LIMCH1: variants seen among roughly 807,000 people sequenced by gnomAD.
LIMCH1 encodes the protein LIM and calponin homology domains-containing protein 1.
A neutral mutation model predicts 176.5 loss-of-function variants in LIMCH1; 113 were observed. The ratio of observed to expected loss-of-function variants is 0.64; its 90% CI spans 0.55 to 0.75. The LOEUF is 0.75. Among genes scored for constraint, LIMCH1 ranks in the 30% least tolerant of loss-of-function variants. The pLI, the probability that LIMCH1 is intolerant of heterozygous loss-of-function variation, is 0.00. For missense variants in LIMCH1, 1,674 were observed against 1,814.9 expected (o/e 0.92, Z 1.41); for synonymous variants, 619 against 645.9 (o/e 0.96, Z 0.63).
chr4:41,521,808 A>G (rs1050077411), intron 2 of LIMCH1, among the ~76,000 whole-genome samples: 2 of 152,176 alleles, frequency 1.3e-5, no homozygotes, highest in African/African-American at 4.8e-5. Context: ...GCCTAGTGTT[A>G]TATGTCAGTT....
intron 1 of LIMCH1, among the ~76,000 whole-genome samples, chr4:41,409,038 G>A (rs1019125562): frequency 2.0e-5 from 3 of 152,240 alleles, no homozygotes; most frequent in East Asian, 1.9e-4. Context: ...ATCCTGACTC[G>A]CTGTGTACAT....
chr4:41,528,780 TAAAA>T (rs2076953003), intron 3 of LIMCH1, among the ~76,000 whole-genome samples: 1 of 152,138 alleles, frequency 6.6e-6, no homozygotes, highest in South Asian at 2.1e-4. Flanking sequence ...TGAAGATAAA[TAAAA>T]AAGTGTGTTT....
chr4:41,591,986 T>C (rs2087680808), intron 1 of LIMCH1, among the ~76,000 whole-genome samples: 1 of 152,154 alleles, frequency 6.6e-6, no homozygotes, highest in Non-Finnish European at 1.5e-5. Context: ...AAATGACAAC[T>C]GAAGAAAGAG....
intron 31 of LIMCH1, among the ~76,000 whole-genome samples, chr4:41,694,404 G>A (rs1728801464): frequency 6.6e-6 from 1 of 152,138 alleles, no homozygotes; most frequent in African/African-American, 2.4e-5. Flanking sequence ...TTGCACACAT[G>A]TACACACAGA....
intron 1 of LIMCH1, among the ~76,000 whole-genome samples, chr4:41,419,592 T>A (rs201101715): frequency 1.1e-5 from 1 of 90,186 alleles, no homozygotes; most frequent in South Asian, 4.5e-4. Flanking sequence ...CCTTCCTTCC[T>A]TCCTTCCTTC....
At chr4:41,576,280 C>CT (rs1174569844) in intron 1 of LIMCH1, among the ~76,000 whole-genome samples, 2 of 151,986 alleles carry the variant, frequency 1.3e-5, no homozygotes, top group Admixed American at 6.5e-5. Flanking sequence ...TTTTTTCAGA[C>CT]TTTTTTTAAA....
At chr4:41,691,624 G>A (rs935995428) in intron 30 of LIMCH1, among the ~76,000 whole-genome samples, 4 of 150,782 alleles carry the variant, frequency 2.7e-5, no homozygotes, top group African/African-American at 9.8e-5. Flanking sequence ...ATAGCCAGGC[G>A]TGGTGGCACA....
intron 1 of LIMCH1, among the ~76,000 whole-genome samples, chr4:41,476,806 A>G (rs2067821068): frequency 6.6e-6 from 1 of 152,176 alleles, no homozygotes; most frequent in African/African-American, 2.4e-5. Context: ...TTCTTTGGGT[A>G]CTTGTGATGA....
intron 1 of LIMCH1, among the ~76,000 whole-genome samples, chr4:41,380,566 C>T (rs779913636): frequency 2.0e-5 from 3 of 151,988 alleles, no homozygotes; most frequent in African/African-American, 4.8e-5. Flanking sequence ...ACTCTGGCTA[C>T]ACATTAGAAT....
Position 41,631,305 on chromosome 4 carries a change from C to T in LIMCH1, c.1429C>T (p.Leu477=). The change falls in exon 10 of 32, where the codon CTA becomes TTA. Residue 477 remains leucine (L), a synonymous_variant. Coordinates refer to ENST00000503057, the MANE Select transcript of LIMCH1 (RefSeq NM_001330672.2). ...TGTGCACTTTGGGCCAGTGACGGAGCTAGATCAGCAGAAATGGAAGCGGCT... is the reference window on the plus strand; with the variant it reads ...TGTGCACTTTGGGCCAGTGACGGAGTTAGATCAGCAGAAATGGAAGCGGCT... ...KFVHFGPVTE[L]DQQKWKRLSI... 6.5e-7 allele frequency: 1 copy of T among 1,535,916 alleles called. No individual in the cohort carries two copies. Among genetic ancestry groups the T allele is most frequent in the Admixed American group, 2.0e-5 (1 of 50,988 alleles).
intron 1 of LIMCH1, among the ~76,000 whole-genome samples, chr4:41,472,409 C>T (rs1383496485): frequency 2.8e-5 from 4 of 143,154 alleles, no homozygotes; most frequent in African/African-American, 1.0e-4. Flanking sequence ...CTCTCTCTTT[C>T]CTTCCTACTT....
intron 1 of LIMCH1, among the ~76,000 whole-genome samples, chr4:41,479,301 A>G (rs1021041744): frequency 1.3e-5 from 2 of 152,204 alleles, no homozygotes. Flanking sequence ...CCTCCAGGCT[A>G]GAGCACAGTG....
At chr4:41,601,878 C>T (rs1178726245) in intron 2 of LIMCH1, among the ~76,000 whole-genome samples, 1 of 152,042 alleles carries the variant, frequency 6.6e-6, no homozygotes, top group Admixed American at 6.5e-5. Context: ...TGCTATATTT[C>T]TCTGTTGTCC....
chr4:41,616,738 C>T (rs572855324), intron 5 of LIMCH1, among the ~76,000 whole-genome samples: 1 of 151,944 alleles, frequency 6.6e-6, no homozygotes, highest in Admixed American at 6.6e-5. Context: ...CTCCTAGGTG[C>T]TTTATGTCAT....
rs573332938 is a variant in LIMCH1, at chr4:41,683,713, C to T, written c.3846-684C>T. Among the ~76,000 whole-genome samples, 16 of 152,298 alleles carry T rather than the reference C, an allele frequency of 1.1e-4. 1 individual carries two copies. The South Asian group carries it at 3.3e-3, about 32-fold the overall frequency. Reference sequence around the variant, plus strand: ...CTGGTTAAATTGTAAGCTACAGGTGCTCAGGGCTATGTCCAGAAACTGTAG... The same window carrying T: ...CTGGTTAAATTGTAAGCTACAGGTGTTCAGGGCTATGTCCAGAAACTGTAG... On this transcript the variant is annotated intron_variant, in intron 26 of 31. Coordinates refer to ENST00000503057, the MANE Select transcript of LIMCH1 (RefSeq NM_001330672.2).
intron 3 of LIMCH1, among the ~76,000 whole-genome samples, chr4:41,531,526 T>A (rs977408249): frequency 2.6e-5 from 3 of 117,516 alleles, no homozygotes; most frequent in African/African-American, 9.5e-5. Flanking sequence ...ATACACACCT[T>A]ATACTTGCCA....
intron 2 of LIMCH1, among the ~76,000 whole-genome samples, chr4:41,495,405 A>G (rs1197506116): frequency 6.6e-6 from 1 of 152,204 alleles, no homozygotes; most frequent in Non-Finnish European, 1.5e-5. Flanking sequence ...TATGAAACAA[A>G]AAGTTTCCTC....
chr4:41,635,197 A>C (rs897527602), intron 13 of LIMCH1, among the ~76,000 whole-genome samples: 2 of 151,822 alleles, frequency 1.3e-5, no homozygotes, highest in Non-Finnish European at 1.5e-5. Flanking sequence ...TACACGAGTA[A>C]CTAGAGGAGA....
At chr4:41,532,115 G>C (rs1302689241) in intron 3 of LIMCH1, among the ~76,000 whole-genome samples, 1 of 152,202 alleles carries the variant, frequency 6.6e-6, no homozygotes, top group African/African-American at 2.4e-5. Flanking sequence ...CAACATAGGA[G>C]TGATGGTTAG....
Sources: allele counts gnomAD v4.1 joint callset (sites outside exome capture counted in the v4.1 genomes callset), GRCh38; gene constraint gnomAD v4.1.1; transcripts MANE v1.5; gene names NCBI Gene and HGNC (gene_info 2026-07-23, HGNC 2026-07-21).